The following OPA3 variants were observed in gnomAD, a reference collection of about 807,000 sequenced individuals.
The protein encoded by OPA3 is optic atrophy 3 protein.
Under a neutral mutation model 4.0 loss-of-function variants are expected in OPA3, and 6 were observed. The observed-to-expected ratio is 1.51, with a 90% CI of 0.83 to 2.99. OPA3 has a LOEUF of 2.99. Ranked by LOEUF, OPA3 falls within the 30% of genes most tolerant of loss-of-function variation. The pLI, the probability that OPA3 is intolerant of heterozygous loss-of-function variation, is 0.00. For missense variants in OPA3, 235 were observed against 256.2 expected (o/e 0.92, Z 0.56); for synonymous variants, 105 against 117.1 (o/e 0.90, Z 0.67).
chr19:45,580,185 A>C (rs373301159), intron 1 of OPA3, among the ~76,000 whole-genome samples: 77 of 147,622 alleles, frequency 5.2e-4, no homozygotes, highest in East Asian at 4.8e-3. Context: ...TTAGTAGAGA[A>C]GGGGTTTCAC....
At chr19:45,543,134 C>T (rs1734005599), downstream of OPA3, among the ~76,000 whole-genome samples, 1 of 151,134 alleles carries the variant, frequency 6.6e-6, no homozygotes, top group South Asian at 2.1e-4. Context: ...CTCAGCCTCC[C>T]TCGTAGCTGG....
chr19:45,574,493 G>A (rs556186689), intron 1 of OPA3, among the ~76,000 whole-genome samples: 16 of 151,736 alleles, frequency 1.1e-4, no homozygotes, highest in Admixed American at 5.3e-4. Flanking sequence ...GCCAGGGCTC[G>A]CCTATCCACT....
At chr19:45,572,157 G>A (rs185617599) in intron 1 of OPA3, among the ~76,000 whole-genome samples, 89 of 142,138 alleles carry the variant, frequency 6.3e-4, no homozygotes, top group Non-Finnish European at 7.6e-5. Flanking sequence ...TAGTAGAGAC[G>A]GGGTTTCTCC....
intron 1 of OPA3, among the ~76,000 whole-genome samples, chr19:45,533,037 A>G (rs974509778): frequency 7.5e-6 from 1 of 132,792 alleles, no homozygotes; most frequent in African/African-American, 3.0e-5. Context: ...GATTACAGGC[A>G]TGCACCACCA....
Sources: allele counts gnomAD v4.1 joint callset (sites outside exome capture counted in the v4.1 genomes callset), GRCh38; gene constraint gnomAD v4.1.1; transcripts MANE v1.5; gene names NCBI Gene and HGNC (gene_info 2026-07-23, HGNC 2026-07-21).